Variants in SLC12A7 observed in about 807,000 individuals in gnomAD.
The protein encoded by SLC12A7 is K-Cl cotransporter 4.
In SLC12A7, 100 loss-of-function variants were observed where a neutral mutation model predicts 120.6. That is an observed-to-expected ratio of 0.83 (90% CI 0.71 to 0.98). The LOEUF is 0.98. SLC12A7 is among the 50% of genes least tolerant of loss of function. The pLI is 0.00. For missense variants in SLC12A7, 1,373 were observed against 1,548.1 expected, an observed-to-expected ratio of 0.89 and a Z score of 1.90; for synonymous variants, 760 against 678.0, an observed-to-expected ratio of 1.12 and a Z score of -1.88.
intron 16 of SLC12A7, among the ~76,000 whole-genome samples, chr5:1,074,198 C>G (rs574714261): frequency 1.3e-5 from 2 of 151,264 alleles, no homozygotes; most frequent in Admixed American, 1.3e-4. Flanking sequence ...GGGGCACACC[C>G]GAGGCCCCCG....
At chr5:1,109,884 G>C (rs1429952458) in intron 1 of SLC12A7, among the ~76,000 whole-genome samples, 2 of 152,236 alleles carry the variant, frequency 1.3e-5, no homozygotes, top group Non-Finnish European at 2.9e-5. Context: ...GAAGAGCTTG[G>C]GTGCTGGTAA....
chr5:1,143,006 C>A, the SLC12A7 span, among the ~76,000 whole-genome samples: 2 of 151,712 alleles, frequency 1.3e-5, no homozygotes, highest in Admixed American at 6.6e-5. Flanking sequence ...GGCTGAGAGG[C>A]GGCCAAAGAA....
intron 1 of SLC12A7, 21 bp downstream of exon 1, chr5:1,111,847 G>A: frequency 1.7e-6 from 2 of 1,203,556 alleles, no homozygotes; most frequent in East Asian, 3.5e-5. Flanking sequence ...CCTTTGTCCG[G>A]CCAGGTGCGG....
Position 1,094,274 on chromosome 5 carries a change from T to A in SLC12A7, c.125-26A>T, listed in dbSNP as rs4975552. 0.4 allele frequency: 626,939 copies of A among 1,566,850 alleles called. 131,294 individuals carry two copies. Among genetic ancestry groups the A allele is most frequent in the Non-Finnish European group, 0.44 (496,559 of 1,137,622 alleles). On this transcript the variant is annotated intron_variant, in intron 1 of 23. Transcript: ENST00000264930. Reference sequence around the variant, plus strand: ...CTAGTGAGGGAAAAACAATTCAGAGTCAGCTTAGAAGGAACTAAAAGCAAG... The same window carrying A: ...CTAGTGAGGGAAAAACAATTCAGAGACAGCTTAGAAGGAACTAAAAGCAAG...
intron 11 of SLC12A7, 111 bp from the exon 12 acceptor site, chr5:1,078,118 T>G (rs991623855): frequency 7.6e-7 from 1 of 1,323,528 alleles, no homozygotes; most frequent in Admixed American, 2.9e-5. Flanking sequence ...GGCGACTCCT[T>G]GGAAAGCTGA....
intron 22 of SLC12A7, chr5:1,057,202 CACTT>C: frequency 2.2e-6 from 1 of 451,784 alleles, no homozygotes; most frequent in Middle Eastern, 5.6e-4. Flanking sequence ...GACCCCTCAG[CACTT>C]GGCACCCAGG....
chr5:1,129,863 C>T, the SLC12A7 span, among the ~76,000 whole-genome samples: 1 of 152,190 alleles, frequency 6.6e-6, no homozygotes, highest in Non-Finnish European at 1.5e-5. Context: ...GAACGCCCTG[C>T]TGCCGTCAGA....
intron 1 of SLC12A7, among the ~76,000 whole-genome samples, chr5:1,107,731 G>C (rs1458787855): frequency 6.6e-6 from 1 of 152,198 alleles, no homozygotes; most frequent in Admixed American, 6.5e-5. Flanking sequence ...ACGCTAGACA[G>C]AAAACCACCG....
chr5:1,078,051 G>C, intron 11 of SLC12A7, 44 bp from the exon 12 acceptor site: 2 of 1,520,408 alleles, frequency 1.3e-6, no homozygotes, highest in Non-Finnish European at 1.8e-6. Context: ...TCAGAAGTGA[G>C]CCTGAGTCAG....
the SLC12A7 span, among the ~76,000 whole-genome samples, chr5:1,144,266 A>G: frequency 3.3e-5 from 5 of 152,216 alleles, no homozygotes; most frequent in Non-Finnish European, 5.9e-5. Context: ...GGCTTACGCC[A>G]TGCCCAAGCT....
At chr5:1,078,095 C>G (rs1738580492) in intron 11 of SLC12A7, 88 bp from the exon 12 acceptor site, 4 of 1,434,100 alleles carry the variant, frequency 2.8e-6, no homozygotes, top group Non-Finnish European at 3.7e-6. Flanking sequence ...AGCGAGGGGC[C>G]CAGTGCAGTG....
chr5:1,077,179 G>A (rs1424575650), intron 12 of SLC12A7, among the ~76,000 whole-genome samples: 3 of 152,134 alleles, frequency 2.0e-5, no homozygotes, highest in African/African-American at 2.4e-5. Flanking sequence ...CAGAAGCTGA[G>A]GCCCACGGGG....
Position 1,111,862 on chromosome 5 carries a change from G to A in SLC12A7, c.124+6C>T, listed in dbSNP as rs893738265. ...CCTTTGTCCGGCCAGGTGCGGCCGC[G>A]CTCACCCGGGCTGGGGCGCTCGGGC... On this transcript the variant is annotated splice_donor_region_variant and intron_variant, in intron 1 of 23. Transcript: ENST00000264930. 4.1e-6 allele frequency: 5 copies of A among 1,208,512 alleles called. No individual in the cohort carries two copies. The highest frequency in any genetic ancestry group is 4.1e-6 in the Non-Finnish European group (4 of 972,666). 74.9% of individuals were successfully genotyped at this position (1,208,512 alleles called of 1,614,324 possible).
At chr5:1,139,553 C>T in the SLC12A7 span, among the ~76,000 whole-genome samples, 3 of 152,258 alleles carry the variant, frequency 2.0e-5, no homozygotes, top group African/African-American at 7.2e-5. Flanking sequence ...AACCTGGAAC[C>T]GAGGTTGCCT....
the SLC12A7 span, among the ~76,000 whole-genome samples, chr5:1,145,401 G>A: frequency 6.6e-6 from 1 of 152,224 alleles, no homozygotes; most frequent in Non-Finnish European, 1.5e-5. This position sits in a 1 kb window ranked among gnomAD's most constrained non-coding sequence, Gnocchi z 4.4. Context: ...CGAGTGCCCA[G>A]CGGGGTAATT....
intron 12 of SLC12A7, 29 bp downstream of exon 12, chr5:1,077,804 G>A (rs1238329316): frequency 6.5e-7 from 1 of 1,539,942 alleles, no homozygotes; most frequent in South Asian, 1.2e-5. Context: ...GACCTTCCAG[G>A]GTCCCCCCGA....
chr5:1,080,306 C>A (rs373995307), intron 9 of SLC12A7, among the ~76,000 whole-genome samples: 13 of 57,256 alleles, frequency 2.3e-4, no homozygotes, highest in African/African-American at 5.9e-4. Context: ...AGGAGCCACG[C>A]AGAGGCTCTG....
chr5:1,144,890 G>T, the SLC12A7 span, among the ~76,000 whole-genome samples: 1 of 152,256 alleles, frequency 6.6e-6, no homozygotes, highest in African/African-American at 2.4e-5. Flanking sequence ...CACCAATGTG[G>T]CTTTAAACCA....
chr5:1,118,018 G>C, the SLC12A7 span, among the ~76,000 whole-genome samples: 1 of 152,214 alleles, frequency 6.6e-6, no homozygotes, highest in Non-Finnish European at 1.5e-5. Context: ...GGAGCTTGCA[G>C]TGAGCTGAGA....
Sources: gnomAD v4.1 joint callset for allele counts (sites outside exome capture counted in the v4.1 genomes callset) on GRCh38, gnomAD v4.1.1 for gene constraint, Gnocchi (gnomAD v3.1) non-coding constraint, MANE v1.5 for transcripts, NCBI Gene and HGNC (gene_info 2026-07-23, HGNC 2026-07-21) for gene names.